The following MSI2 variants were observed in gnomAD, a reference collection of about 807,000 sequenced individuals.
MSI2 encodes musashi RNA binding protein 2, also known as RNA-binding protein Musashi homolog 2.
A neutral mutation model predicts 45.6 loss-of-function variants in MSI2; 17 were observed. The ratio of observed to expected loss-of-function variants is 0.37; its 90% CI spans 0.26 to 0.56. MSI2 has a LOEUF of 0.56. MSI2 is among the 20% of genes least tolerant of loss of function. The pLI is 0.77. For synonymous variants in MSI2, 156 were observed against 158.2 expected, an observed-to-expected ratio of 0.99 and a Z score of 0.11; for missense variants, 293 against 444.2, an observed-to-expected ratio of 0.66 and a Z score of 3.06.
intron 6 of MSI2, among the ~76,000 whole-genome samples, chr17:57,425,303 T>A (rs1016853531): frequency 6.6e-6 from 1 of 152,238 alleles, no homozygotes; most frequent in Non-Finnish European, 1.5e-5. Context: ...TTAACAGCAT[T>A]ATGATTTTGT....
rs1906750988 is a variant in MSI2 at position 57,256,707 on chromosome 17, G to T, written c.-36G>T. The T allele has an allele frequency of 1.2e-6, 1 of 846,836 alleles. No homozygotes were observed. The highest frequency in any genetic ancestry group is 2.1e-5 in the African/African-American group (1 of 47,602). 52.5% of individuals were successfully genotyped at this position (846,836 alleles called of 1,614,324 possible). A position where few individuals can be genotyped will look rare whatever the true frequency, so the allele number is the denominator to read the frequency against. ...CTCCGCTCCGATCGCTGTGGGGCTT[G>T]GTTTTTTGGGGGTGGGGGGGCGGGG... On this transcript the variant is annotated 5_prime_UTR_variant, in exon 1 of 14. Transcript: ENST00000284073.
intron 10 of MSI2, among the ~76,000 whole-genome samples, chr17:57,634,123 C>T (rs376076961): frequency 6.6e-6 from 1 of 152,306 alleles, no homozygotes; most frequent in African/African-American, 2.4e-5. Context: ...GAGAGAGAAG[C>T]AGTGATAAGA....
chr17:57,694,890 C>T, the MSI2 span, among the ~76,000 whole-genome samples: 1 of 152,142 alleles, frequency 6.6e-6, no homozygotes, highest in Non-Finnish European at 1.5e-5. Flanking sequence ...AGTACTATGC[C>T]AATGCTTAAA....
intron 5 of MSI2, among the ~76,000 whole-genome samples, chr17:57,304,077 G>A (rs1411984538): frequency 2.5e-4 from 38 of 152,180 alleles, no homozygotes; most frequent in Admixed American, 2.5e-3. Context: ...GCCCATTGAT[G>A]GCTGTGCGCC....
rs140298839 is a variant in MSI2, at chr17:57,436,827, T to A, written c.405+35356T>A. Among the ~76,000 whole-genome samples, 155 of 152,294 alleles carry A rather than the reference T, an allele frequency of 1.0e-3. 4 individuals are homozygous for A. In the East Asian group the frequency reaches 0.025, roughly 24 times the overall value. On this transcript the variant is annotated intron_variant, in intron 6 of 13. Coordinates refer to ENST00000284073, the MANE Select transcript of MSI2 (RefSeq NM_138962.4). ...AGTTCTGCCCAAGGTCAGACAGGGT[T>A]ATTCTGCAAGCAGAGATGAGTACTG...
At chr17:57,269,767 A>G (rs144205449) in intron 5 of MSI2, among the ~76,000 whole-genome samples, 65 of 152,294 alleles carry the variant, frequency 4.3e-4, no homozygotes, top group African/African-American at 1.5e-3. Flanking sequence ...GTATAACCCC[A>G]GTGTGTGTCC....
At chr17:57,370,835 A>G (rs529996514) in intron 5 of MSI2, among the ~76,000 whole-genome samples, 3 of 152,352 alleles carry the variant, frequency 2.0e-5, no homozygotes, top group South Asian at 2.1e-4. Flanking sequence ...GTGCTCAGAC[A>G]TGAATGGCCT....
upstream of MSI2, chr17:57,256,483 G>A: frequency 3.9e-6 from 1 of 253,332 alleles, no homozygotes; most frequent in Non-Finnish European, 7.3e-6. Context: ...GGAGGAGGGG[G>A]AGAGGTGGGG....
chr17:57,699,936 A>G, the MSI2 span, among the ~76,000 whole-genome samples: 43,593 of 152,212 alleles, frequency 0.29, 8,168 homozygotes, highest in African/African-American at 0.52. Flanking sequence ...AGCCCATAGC[A>G]TCCCAGCTCA....
chr17:57,312,448 C>T (rs953970864), intron 5 of MSI2, among the ~76,000 whole-genome samples: 2 of 152,110 alleles, frequency 1.3e-5, no homozygotes, highest in Non-Finnish European at 2.9e-5. Context: ...CCCTGGGGCC[C>T]GGGTTGGGAT....
At chr17:57,304,036 C>T (rs1226415124) in intron 5 of MSI2, among the ~76,000 whole-genome samples, 1 of 151,998 alleles carries the variant, frequency 6.6e-6, no homozygotes. Context: ...AAGGGGAACA[C>T]CCAGAAAAAT....
intron 10 of MSI2, among the ~76,000 whole-genome samples, chr17:57,638,656 A>C (rs913042502): frequency 2.0e-5 from 3 of 152,214 alleles, no homozygotes; most frequent in Non-Finnish European, 4.4e-5. Flanking sequence ...TTGGGAGGCC[A>C]AGGCGGGAGG....
intron 10 of MSI2, chr17:57,632,856 C>T (rs1023541203): frequency 5.6e-6 from 6 of 1,064,030 alleles, no homozygotes; most frequent in Non-Finnish European, 1.1e-6. Flanking sequence ...GTCCTTGAGA[C>T]CCTACATGTG....
At chr17:57,256,871 G>A in intron 1 of MSI2, 67 bp downstream of exon 1, 2 of 1,279,748 alleles carry the variant, frequency 1.6e-6, no homozygotes, top group Admixed American at 3.0e-5. Flanking sequence ...CGGGGACGGC[G>A]GTGCGCGGAG....
intron 5 of MSI2, among the ~76,000 whole-genome samples, chr17:57,360,740 A>G (rs1916756792): frequency 6.6e-6 from 1 of 152,258 alleles, no homozygotes; most frequent in East Asian, 1.9e-4. Context: ...AAGAGCGAAT[A>G]TAACATTTTG....
intron 5 of MSI2, among the ~76,000 whole-genome samples, chr17:57,281,065 T>C (rs1224898873): frequency 6.6e-6 from 1 of 152,038 alleles, no homozygotes; most frequent in African/African-American, 2.4e-5. Context: ...GACATGAAAT[T>C]GTGGCATAAT....
chr17:57,300,678 T>C (rs2143534913), intron 5 of MSI2, among the ~76,000 whole-genome samples: 1 of 152,272 alleles, frequency 6.6e-6, no homozygotes, highest in South Asian at 2.1e-4. Context: ...AGAGGTTTAA[T>C]GGACTCACAG....
intron 5 of MSI2, among the ~76,000 whole-genome samples, chr17:57,271,744 C>CTTTTTT (rs60803369): frequency 9.3e-6 from 1 of 107,632 alleles, no homozygotes; most frequent in African/African-American, 3.5e-5. Context: ...CCACTGCAAT[C>CTTTTTT]TTTTTTTTTT....
chr17:57,690,024 T>C, the MSI2 span, among the ~76,000 whole-genome samples: 2 of 152,220 alleles, frequency 1.3e-5, no homozygotes. Flanking sequence ...TTGGGTCATA[T>C]GGCAAGCATA....
Sources: allele counts gnomAD v4.1 joint callset (sites outside exome capture counted in the v4.1 genomes callset), GRCh38; gene constraint gnomAD v4.1.1; transcripts MANE v1.5; gene names NCBI Gene and HGNC (gene_info 2026-07-23, HGNC 2026-07-21).